Variants in RGL1 observed in about 807,000 individuals in gnomAD.
The protein encoded by RGL1 is ral guanine nucleotide dissociation stimulator like 1, also known as ral guanine nucleotide dissociation stimulator-like 1.
RGL1 carries 24 observed loss-of-function variants against 95.2 expected under a neutral mutation model. The observed-to-expected ratio is 0.25, with a 90% CI of 0.18 to 0.35. The LOEUF (loss-of-function observed/expected upper bound fraction) is 0.35, where lower values mean the gene tolerates loss of function less well. Ranked by LOEUF, RGL1 falls within the 10% of genes least tolerant of loss-of-function variation. The probability of loss-of-function intolerance (pLI) is 1.00; values close to 1 mark genes in which losing one functional copy is unlikely to be tolerated. For missense variants in RGL1, 715 were observed against 936.3 expected (o/e 0.76, Z 3.08); for synonymous variants, 329 against 344.9 (o/e 0.95, Z 0.51).
intron 2 of RGL1, among the ~76,000 whole-genome samples, chr1:183,760,904 C>T (rs1658631146): frequency 6.6e-6 from 1 of 152,212 alleles, no homozygotes; most frequent in Admixed American, 6.5e-5. Context: ...CAAGAAACCA[C>T]AGTCTTTGCT....
At chr1:183,700,341 G>C (rs1489015537) in intron 1 of RGL1, among the ~76,000 whole-genome samples, 1 of 152,018 alleles carries the variant, frequency 6.6e-6, no homozygotes, top group African/African-American at 2.4e-5. Flanking sequence ...TATTATTCCA[G>C]GAGCATCTGT....
intron 1 of RGL1, among the ~76,000 whole-genome samples, chr1:183,729,859 G>GA (rs1211787668): frequency 6.6e-6 from 1 of 151,612 alleles, no homozygotes; most frequent in South Asian, 2.1e-4. Context: ...AAAGAAGACC[G>GA]AAAAAAAAGT....
intron 4 of RGL1, among the ~76,000 whole-genome samples, chr1:183,874,066 G>A (rs974922510): frequency 6.6e-6 from 1 of 152,196 alleles, no homozygotes; most frequent in African/African-American, 2.4e-5. Context: ...GATAATTTTG[G>A]TGACTGGCGA....
chr1:183,731,751 G>A (rs1035150621), intron 1 of RGL1, among the ~76,000 whole-genome samples: 2 of 152,208 alleles, frequency 1.3e-5, no homozygotes, highest in East Asian at 1.9e-4. Context: ...CATCTGGATG[G>A]GGAATTAATA....
chr1:183,903,379 T>C (rs1162476363), intron 12 of RGL1, among the ~76,000 whole-genome samples: 1 of 152,222 alleles, frequency 6.6e-6, no homozygotes, highest in Non-Finnish European at 1.5e-5. Context: ...TGAACTGTGC[T>C]ATTCAAGATA....
In RGL1 at chr1:183,852,118, A is replaced by G. The variant is rs369032540; in HGVS notation, c.347+4344A>G. 7.5e-4 allele frequency among the ~76,000 whole-genome samples: 114 copies of G among 152,332 alleles called. 1 individual carries two copies. Among genetic ancestry groups the G allele is most frequent in the Admixed American group, 2.7e-3 (41 of 15,300 alleles). On this transcript the variant is annotated intron_variant, in intron 3 of 17. Transcript: ENST00000360851. The stretch of plus-strand genomic sequence containing the variant: ...TCAGTCAAGAATAGATTGAAGACAG[A>G]TACTGCAGTATTTATTTCCCACCGG...
intron 3 of RGL1, among the ~76,000 whole-genome samples, chr1:183,856,627 T>C (rs1176368543): frequency 6.7e-6 from 1 of 149,016 alleles, no homozygotes; most frequent in African/African-American, 2.4e-5. Flanking sequence ...CCTGTAAATA[T>C]ATATATATTT....
intron 7 of RGL1, among the ~76,000 whole-genome samples, chr1:183,886,335 A>T (rs1197072506): frequency 2.0e-5 from 3 of 152,214 alleles, no homozygotes; most frequent in African/African-American, 7.2e-5. Flanking sequence ...AGTAAGAGAT[A>T]CAAAAGAAGT....
At chr1:183,822,243 A>G (rs1662539686) in intron 2 of RGL1, among the ~76,000 whole-genome samples, 1 of 152,142 alleles carries the variant, frequency 6.6e-6, no homozygotes, top group Non-Finnish European at 1.5e-5. Flanking sequence ...AGAAATGTAA[A>G]CCATGTGACT....
At chr1:183,795,105 G>A in intron 2 of RGL1, among the ~76,000 whole-genome samples, 1 of 152,182 alleles carries the variant, frequency 6.6e-6, no homozygotes, top group East Asian at 1.9e-4. Context: ...CTGGGCTCAA[G>A]TGATCCTCCT....
At chr1:183,870,551 C>G (rs1262237891) in intron 4 of RGL1, among the ~76,000 whole-genome samples, 1 of 152,076 alleles carries the variant, frequency 6.6e-6, no homozygotes, top group Admixed American at 6.5e-5. Flanking sequence ...CTGACGCGTG[C>G]TGCTGGCGCA....
intron 2 of RGL1, among the ~76,000 whole-genome samples, chr1:183,779,693 C>G (rs969204812): frequency 1.3e-5 from 2 of 152,038 alleles, no homozygotes; most frequent in African/African-American, 4.8e-5. Context: ...TGTGAGATAG[C>G]CCCAAAGTTT....
intron 2 of RGL1, among the ~76,000 whole-genome samples, chr1:183,778,161 G>T (rs1273745072): frequency 1.3e-5 from 2 of 152,170 alleles, no homozygotes. Context: ...TGTGTATGTG[G>T]ATTTTGTTCT....
At chr1:183,670,828 C>T (rs12040169) in intron 1 of RGL1, among the ~76,000 whole-genome samples, 12,858 of 152,238 alleles carry the variant, frequency 0.084, 1,055 homozygotes, top group African/African-American at 0.22. Context: ...AATATTCCAT[C>T]GTATGGATAT....
chr1:183,702,769 G>A (rs1309388600), intron 1 of RGL1, among the ~76,000 whole-genome samples: 14 of 152,190 alleles, frequency 9.2e-5, no homozygotes, highest in Admixed American at 9.2e-4. Context: ...TGAATTGTCA[G>A]AATTGTAAGG....
chr1:183,740,917 A>G (rs939451843), intron 1 of RGL1, among the ~76,000 whole-genome samples: 5 of 152,220 alleles, frequency 3.3e-5, no homozygotes, highest in Non-Finnish European at 4.4e-5. Flanking sequence ...TAGAAGGCGA[A>G]AATAGAATTG....
At chr1:183,641,518 T>G (rs7530521) in intron 1 of RGL1, among the ~76,000 whole-genome samples, 10,439 of 152,124 alleles carry the variant, frequency 0.069, 626 homozygotes, top group African/African-American at 0.16. Context: ...CGATTCTCCC[T>G]CCTTGGTCTC....
intron 6 of RGL1, 70 bp downstream of exon 6, chr1:183,883,980 G>A (rs946309565): frequency 2.5e-5 from 37 of 1,492,410 alleles, no homozygotes; most frequent in South Asian, 8.2e-5. Flanking sequence ...CTGGTGCCCC[G>A]GTGACAGCAG....
chr1:183,847,024 G>T (rs561164735), intron 2 of RGL1, among the ~76,000 whole-genome samples: 28 of 152,294 alleles, frequency 1.8e-4, no homozygotes, highest in African/African-American at 6.7e-4. Flanking sequence ...AGAAGCAAAT[G>T]TAACCATTAT....
Sources: gnomAD v4.1 joint callset for allele counts (sites outside exome capture counted in the v4.1 genomes callset) on GRCh38, gnomAD v4.1.1 for gene constraint, MANE v1.5 for transcripts, NCBI Gene and HGNC (gene_info 2026-07-23, HGNC 2026-07-21) for gene names.